E2F2: variants seen among roughly 807,000 people sequenced by gnomAD.
The protein encoded by E2F2 is transcription factor E2F2.
Under a neutral mutation model 42.2 loss-of-function variants are expected in E2F2, and 22 were observed. The observed-to-expected ratio is 0.52, with a 90% CI of 0.37 to 0.74. The LOEUF (loss-of-function observed/expected upper bound fraction) is 0.74, where lower values mean the gene tolerates loss of function less well. Among genes scored for constraint, E2F2 ranks in the 30% least tolerant of loss-of-function variants. The probability of loss-of-function intolerance (pLI) is 0.00; values close to 1 mark genes in which losing one functional copy is unlikely to be tolerated. For synonymous variants in E2F2, 248 were observed against 251.6 expected, an observed-to-expected ratio of 0.99 and a Z score of 0.13; for missense variants, 481 against 557.8, an observed-to-expected ratio of 0.86 and a Z score of 1.39.
chr1:23,510,298 A>G, intron 6 of E2F2, 150 bp from the exon 7 acceptor site: 3 of 1,337,568 alleles, frequency 2.2e-6, no homozygotes, highest in Non-Finnish European at 2.9e-6. Context: ...CACCTTCCAG[A>G]GTCTACACCC....
At chr1:23,528,045 G>C (rs1406757385) in intron 1 of E2F2, among the ~76,000 whole-genome samples, 2 of 152,260 alleles carry the variant, frequency 1.3e-5, no homozygotes, top group Admixed American at 1.3e-4. Flanking sequence ...TTGAACCTGG[G>C]AGGTGGAGTT....
At position 23,509,861 on chromosome 1, in the gene E2F2, TG is replaced by T; in HGVS notation, c.*18del. ...GGAGGTAGAGTCGGGGGCAGGCTGC[TG>T]GGGGCAGGCAGGGCCACTCAATTAA... is the stretch of plus-strand genomic sequence containing the variant. On this transcript the variant is annotated 3_prime_UTR_variant, in exon 7 of 7. Transcript: ENST00000361729. The T allele has an allele frequency of 3.9e-6, 6 of 1,522,000 alleles. No individual in the cohort carries two copies. Among genetic ancestry groups the T allele is most frequent in the Non-Finnish European group, 5.3e-6 (6 of 1,132,306 alleles). The allele number at this position is 1,522,000 out of a possible 1,614,324, so 94.3% of individuals were successfully genotyped here.
intron 6 of E2F2, among the ~76,000 whole-genome samples, chr1:23,511,393 C>A (rs766685331): frequency 6.6e-6 from 1 of 152,078 alleles, no homozygotes; most frequent in Non-Finnish European, 1.5e-5. Flanking sequence ...TGCCACCATG[C>A]CCATCCAATT....
chr1:23,524,065 C>A lies in E2F2; in HGVS notation c.358+318G>T, dbSNP rs548364994. Among the ~76,000 whole-genome samples the A allele has an allele frequency of 9.9e-5, 14 of 141,770 alleles. No homozygotes were observed. The East Asian group carries it at 1.9e-3, about 19-fold the overall frequency. The allele number at this position is 141,770 out of a possible 152,430, so 93.0% of individuals were successfully genotyped here. A position where few individuals can be genotyped will look rare whatever the true frequency, so the allele number is the denominator to read the frequency against. ...ATCCACATTTGGTGACAGAGCGAGA[C>A]CTGTCTCACAACAACAACAACAACA... On this transcript the variant is annotated intron_variant, in intron 2 of 6. Coordinates refer to ENST00000361729, the MANE Select transcript of E2F2 (RefSeq NM_004091.4).
chr1:23,514,355 C>T (rs1162077902), intron 6 of E2F2, among the ~76,000 whole-genome samples: 1 of 152,058 alleles, frequency 6.6e-6, no homozygotes, highest in East Asian at 1.9e-4. Context: ...ATGGCTAGCA[C>T]AGGGAGAAGC....
chr1:23,524,139 G>A (rs1432459569), intron 2 of E2F2, among the ~76,000 whole-genome samples: 6 of 150,182 alleles, frequency 4.0e-5, no homozygotes. Flanking sequence ...AGATTTACAT[G>A]TCCAGGCTCT....
chr1:23,520,794 C>A, intron 4 of E2F2, 119 bp downstream of exon 4: 2 of 1,108,670 alleles, frequency 1.8e-6, no homozygotes, highest in Middle Eastern at 2.3e-4. Context: ...GAAAAGCCAC[C>A]CAGGAAGGAA....
rs1022298939 is a variant in E2F2 at position 23,521,489 on chromosome 1, G to C, written c.578+348C>G. On this transcript the variant is annotated intron_variant, in intron 3 of 6. Coordinates refer to ENST00000361729, the MANE Select transcript of E2F2 (RefSeq NM_004091.4). ...CGGGATCCCCCTACTTAGCTCCCAG[G>C]GGACTGCCCTAAGCTAGAAGAAGTG... 6 of 961,140 alleles carry C rather than the reference G, an allele frequency of 6.2e-6. No homozygotes were observed. The African/African-American group carries it at 8.8e-5, about 14-fold the overall frequency. The allele number at this position is 961,140 out of a possible 1,614,324, so 59.5% of individuals were successfully genotyped here.
intron 1 of E2F2, among the ~76,000 whole-genome samples, chr1:23,529,480 G>A (rs1643303604): frequency 6.6e-6 from 1 of 152,196 alleles, no homozygotes; most frequent in Non-Finnish European, 1.5e-5. Flanking sequence ...CTCTGGGGCA[G>A]TGGGGGGTGG....
Position 23,530,895 on chromosome 1 carries a change from G to A in E2F2, c.-102C>T. On this transcript the variant is annotated 5_prime_UTR_variant, in exon 1 of 7. Coordinates refer to ENST00000361729, the MANE Select transcript of E2F2 (RefSeq NM_004091.4). This position sits in a 1 kb window ranked among gnomAD's most constrained non-coding sequence, Gnocchi z 4.4. ...CACACGGCCCGCGGCATGGCGCGGA[G>A]GCCGGGGGAAGCCGCCAATGGACGC... is the stretch of plus-strand genomic sequence containing the variant. The A allele has an allele frequency of 7.2e-7, 1 of 1,381,824 alleles. No homozygotes were observed. The highest frequency in any genetic ancestry group is 9.4e-7 in the Non-Finnish European group (1 of 1,065,298). 85.6% of individuals were successfully genotyped at this position (1,381,824 alleles called of 1,614,324 possible). A position where few individuals can be genotyped will look rare whatever the true frequency, so the allele number is the denominator to read the frequency against.
chr1:23,521,915 C>T lies in E2F2; in HGVS notation c.500G>A (p.Arg167Gln). 1 of 1,614,174 alleles carries T rather than the reference C, an allele frequency of 6.2e-7. No individual in the cohort carries two copies. The highest frequency in any genetic ancestry group is 2.2e-5 in the East Asian group (1 of 44,884). The stretch of plus-strand genomic sequence containing the variant: ...CACGTTGGTGATGTCATAGATGCGC[C>T]GCTTCTGCACGTCCAGCACCTCAGC... ...WAAEVLDVQK[R>Q]RIYDITNVLE... The change falls in exon 3 of 7, where the codon CGG (arginine) becomes CAG (glutamine). Residue 167 changes from arginine to glutamine, a missense_variant. Coordinates refer to ENST00000361729, the MANE Select transcript of E2F2 (RefSeq NM_004091.4).
chr1:23,505,673 C>A (rs947231095), downstream of E2F2, among the ~76,000 whole-genome samples: 3 of 152,026 alleles, frequency 2.0e-5, no homozygotes, highest in Non-Finnish European at 2.9e-5. Flanking sequence ...CAACCATGCC[C>A]GCTAATTTAT....
intron 1 of E2F2, among the ~76,000 whole-genome samples, chr1:23,526,581 T>A (rs1413161681): frequency 6.6e-6 from 1 of 152,066 alleles, no homozygotes; most frequent in African/African-American, 2.4e-5. Flanking sequence ...ACAGAATATC[T>A]ATGCTGAGCC....
intron 1 of E2F2, among the ~76,000 whole-genome samples, chr1:23,528,348 A>G (rs1016173324): frequency 4.6e-5 from 7 of 152,186 alleles, no homozygotes; most frequent in African/African-American, 9.6e-5. Flanking sequence ...CCCGGCCACA[A>G]AGCAAGCGGC....
rs3218208 is a variant in E2F2 at position 23,509,738 on chromosome 1, G to A, written c.*142C>T. The A allele has an allele frequency of 1.4e-3, 2,002 of 1,388,662 alleles. 19 individuals carry two copies. The African/African-American group carries it at 0.024, about 17-fold the overall frequency. 86.0% of individuals were successfully genotyped at this position (1,388,662 alleles called of 1,614,324 possible). A position where few individuals can be genotyped will look rare whatever the true frequency, so the allele number is the denominator to read the frequency against. ...CATATCTCCCCACACAGCTTCTGCC[G>A]GCTGGGGCAGGAAAGGCGAGGAGAC... On this transcript the variant is annotated 3_prime_UTR_variant, in exon 7 of 7. Transcript: ENST00000361729.
At position 23,530,723 on chromosome 1, in the gene E2F2, G is replaced by A. The variant is rs1308552699; in HGVS notation, c.71C>T (p.Pro24Leu). ...QTPKVVPAMSPTELWPSGLSS... is the reference protein window; with the variant it reads ...QTPKVVPAMSLTELWPSGLSS... The stretch of plus-strand genomic sequence containing the variant: ...GAGGCCGGATGGCCACAGCTCTGTG[G>A]GGCTCATCGCGGGCACCACCTTCGG... Residue 24 changes from proline to leucine, a missense_variant, in exon 1 of 7, where the codon CCC becomes CTC. Coordinates refer to ENST00000361729, the MANE Select transcript of E2F2 (RefSeq NM_004091.4). This position sits in a 1 kb window ranked among gnomAD's most constrained non-coding sequence, Gnocchi z 4.4. The A allele has an allele frequency of 1.1e-5, 18 of 1,603,920 alleles. No individual in the cohort carries two copies. The highest frequency in any genetic ancestry group is 1.4e-5 in the Non-Finnish European group (17 of 1,175,596).
chr1:23,509,724 A>C lies in E2F2; in HGVS notation c.*156T>G. The C allele has an allele frequency of 7.3e-7, 1 of 1,376,300 alleles. No homozygotes were observed. The highest frequency in any genetic ancestry group is 9.5e-7 in the Non-Finnish European group (1 of 1,051,730). 85.3% of individuals were successfully genotyped at this position (1,376,300 alleles called of 1,614,324 possible). A position where few individuals can be genotyped will look rare whatever the true frequency, so the allele number is the denominator to read the frequency against. On this transcript the variant is annotated 3_prime_UTR_variant, in exon 7 of 7. Transcript: ENST00000361729. ...TCACCCGTACCATTCATATCTCCCCACACAGCTTCTGCCGGCTGGGGCAGG... is the reference window on the plus strand; with the variant it reads ...TCACCCGTACCATTCATATCTCCCCCCACAGCTTCTGCCGGCTGGGGCAGG...
At chr1:23,517,289 C>G (rs1643043503) in intron 5 of E2F2, among the ~76,000 whole-genome samples, 1 of 152,190 alleles carries the variant, frequency 6.6e-6, no homozygotes, top group African/African-American at 2.4e-5. Context: ...GCAACTTAAG[C>G]CACAACTGAT....
chr1:23,529,812 T>G (rs1014319646), intron 1 of E2F2, among the ~76,000 whole-genome samples: 1 of 151,982 alleles, frequency 6.6e-6, no homozygotes, highest in Admixed American at 6.6e-5. Context: ...TTGTTTTGAT[T>G]CACACGGGCT....
Sources: gnomAD v4.1 joint callset for allele counts (sites outside exome capture counted in the v4.1 genomes callset) on GRCh38, gnomAD v4.1.1 for gene constraint, Gnocchi (gnomAD v3.1) non-coding constraint, MANE v1.5 for transcripts, NCBI Gene and HGNC (gene_info 2026-07-23, HGNC 2026-07-21) for gene names.